Variants in FRMD4A observed in about 807,000 individuals in gnomAD.
The protein encoded by FRMD4A is FERM domain-containing protein 4A.
FRMD4A carries 29 observed loss-of-function variants against 129.1 expected under a neutral mutation model. That is an observed-to-expected ratio of 0.22 (90% CI 0.17 to 0.31). The LOEUF is 0.31. Among genes scored for constraint, FRMD4A ranks in the 10% least tolerant of loss-of-function variants. The probability of loss-of-function intolerance (pLI) is 1.00; values close to 1 mark genes in which losing one functional copy is unlikely to be tolerated. For synonymous variants in FRMD4A, 634 were observed against 571.6 expected, an observed-to-expected ratio of 1.11 and a Z score of -1.56; for missense variants, 1,272 against 1,375.8, an observed-to-expected ratio of 0.92 and a Z score of 1.19.
chr10:13,866,953 AC>A (rs2094375424), intron 2 of FRMD4A, among the ~76,000 whole-genome samples: 1 of 152,186 alleles, frequency 6.6e-6, no homozygotes, highest in Non-Finnish European at 1.5e-5. Flanking sequence ...GTCTCAAAAA[AC>A]AAACAATCAA....
In FRMD4A at chr10:13,925,620, G is replaced by A. The variant is rs564743494; in HGVS notation, c.46-66708C>T. The stretch of plus-strand genomic sequence containing the variant: ...TTTTTTTGAGATGGAGTCTCACTCC[G>A]TTGCCCAGGCTGGAGTGCGGTGGCG... On this transcript the variant is annotated intron_variant, in intron 2 of 24. Transcript: ENST00000357447. Among the ~76,000 whole-genome samples, 39 of 107,018 alleles carry A rather than the reference G, an allele frequency of 3.6e-4. 1 individual carries two copies. In the South Asian group the frequency reaches 7.4e-3, roughly 20 times the overall value. 70.2% of individuals were successfully genotyped at this position (107,018 alleles called of 152,430 possible). A position where few individuals can be genotyped will look rare whatever the true frequency, so the allele number is the denominator to read the frequency against.
chr10:13,780,310 G>C (rs1244993770), intron 6 of FRMD4A, among the ~76,000 whole-genome samples: 1 of 143,414 alleles, frequency 7.0e-6, no homozygotes, highest in Non-Finnish European at 1.5e-5. Flanking sequence ...CTGGGCAACA[G>C]AGTGAGACTG....
chr10:13,696,675 C>G (rs545399980), intron 14 of FRMD4A, among the ~76,000 whole-genome samples: 1 of 152,076 alleles, frequency 6.6e-6, no homozygotes, highest in East Asian at 1.9e-4. Context: ...ACCCGGGAGG[C>G]GGAGGTTGCA....
At chr10:13,801,839 A>G (rs1482170786) in intron 4 of FRMD4A, among the ~76,000 whole-genome samples, 1 of 152,168 alleles carries the variant, frequency 6.6e-6, no homozygotes, top group East Asian at 1.9e-4. Context: ...GCCTCCCTCA[A>G]ACCTTTTATG....
At chr10:14,042,347 ACAGGCCAAT>A (rs1200419565) in intron 2 of FRMD4A, among the ~76,000 whole-genome samples, 2 of 152,170 alleles carry the variant, frequency 1.3e-5, no homozygotes, top group African/African-American at 4.8e-5. Context: ...GTTCTAAGTT[ACAGGCCAAT>A]CAGGACAAAT....
intron 2 of FRMD4A, among the ~76,000 whole-genome samples, chr10:13,949,977 C>A (rs2095360576): frequency 6.6e-6 from 1 of 152,246 alleles, no homozygotes; most frequent in Admixed American, 6.5e-5. Context: ...CAAGAATCAA[C>A]ACTTCTTATG....
In FRMD4A at chr10:14,122,112, C is replaced by T. The variant is rs573274327; in HGVS notation, c.45+207946G>A. 9.8e-5 allele frequency among the ~76,000 whole-genome samples: 15 copies of T among 152,330 alleles called. No homozygotes were observed. The South Asian group carries it at 1.9e-3, about 19-fold the overall frequency. The stretch of plus-strand genomic sequence containing the variant: ...AACAACGCTGTCTCTGAGCAAATTA[C>T]CTAACCTCTCTAAGCTGCATTGTCT... On this transcript the variant is annotated intron_variant, in intron 2 of 24. Coordinates refer to ENST00000357447, the MANE Select transcript of FRMD4A (RefSeq NM_018027.5).
At chr10:14,095,332 C>A (rs189907989) in intron 2 of FRMD4A, among the ~76,000 whole-genome samples, 44 of 152,306 alleles carry the variant, frequency 2.9e-4, no homozygotes, top group Admixed American at 2.0e-3. Context: ...TGCCTGGGTG[C>A]TTCCTGCTAG....
At chr10:14,317,641 T>G (rs2132114493) in intron 2 of FRMD4A, among the ~76,000 whole-genome samples, 1 of 150,892 alleles carries the variant, frequency 6.6e-6, no homozygotes, top group East Asian at 2.0e-4. Flanking sequence ...TTAAAATCTT[T>G]TTACAAAGAG....
intron 2 of FRMD4A, among the ~76,000 whole-genome samples, chr10:14,105,098 C>T (rs1041797800): frequency 1.3e-5 from 2 of 152,190 alleles, no homozygotes; most frequent in East Asian, 3.9e-4. Flanking sequence ...ACATGTTCCA[C>T]TTATTCATCA....
chr10:14,049,533 C>T (rs554927401), intron 2 of FRMD4A, among the ~76,000 whole-genome samples: 5 of 152,284 alleles, frequency 3.3e-5, no homozygotes, highest in South Asian at 2.1e-4. Flanking sequence ...TTCATAATGT[C>T]GTAAAGTAAA....
At chr10:13,736,598 A>G (rs2090641720) in intron 12 of FRMD4A, among the ~76,000 whole-genome samples, 1 of 152,200 alleles carries the variant, frequency 6.6e-6, no homozygotes, top group South Asian at 2.1e-4. Flanking sequence ...TTTAATAAAG[A>G]AGTTTGCCAA....
At chr10:13,778,443 A>C (rs2130765450) in intron 6 of FRMD4A, among the ~76,000 whole-genome samples, 1 of 152,258 alleles carries the variant, frequency 6.6e-6, no homozygotes, top group Non-Finnish European at 1.5e-5. Flanking sequence ...CTGGCTCAGC[A>C]ACTGTCCCAA....
chr10:13,850,202 C>T (rs1332969146), intron 3 of FRMD4A, among the ~76,000 whole-genome samples: 7 of 151,250 alleles, frequency 4.6e-5, no homozygotes, highest in African/African-American at 1.7e-4. Flanking sequence ...GAGTGAGGCT[C>T]CATCTCAAAA....
intron 2 of FRMD4A, among the ~76,000 whole-genome samples, chr10:14,285,173 C>A (rs1326624331): frequency 6.6e-6 from 1 of 152,190 alleles, no homozygotes; most frequent in Admixed American, 6.5e-5. Context: ...GTAAGTGACA[C>A]CGCTTCCCAG....
At chr10:14,290,558 C>T (rs1845819184) in intron 2 of FRMD4A, among the ~76,000 whole-genome samples, 1 of 152,048 alleles carries the variant, frequency 6.6e-6, no homozygotes, top group Admixed American at 6.5e-5. Flanking sequence ...CCTTATTTTA[C>T]ATCATATGCA....
intron 2 of FRMD4A, among the ~76,000 whole-genome samples, chr10:14,128,194 C>T (rs1429745380): frequency 6.6e-6 from 1 of 151,296 alleles, no homozygotes; most frequent in Non-Finnish European, 1.5e-5. Context: ...ACATCCACTT[C>T]CGGGCCTCAA....
At chr10:13,884,210 A>T (rs28529178) in intron 2 of FRMD4A, among the ~76,000 whole-genome samples, 27 of 80,746 alleles carry the variant, frequency 3.3e-4, no homozygotes, top group Admixed American at 6.1e-4. Flanking sequence ...ACACACACTC[A>T]CACACACACA....
chr10:13,909,467 T>A (rs781594594), intron 2 of FRMD4A, among the ~76,000 whole-genome samples: 1 of 152,238 alleles, frequency 6.6e-6, no homozygotes, highest in Non-Finnish European at 1.5e-5. Flanking sequence ...GCAATTGCAA[T>A]AATTTTGATT....
Sources: allele counts gnomAD v4.1 joint callset (sites outside exome capture counted in the v4.1 genomes callset), GRCh38; gene constraint gnomAD v4.1.1; transcripts MANE v1.5; gene names NCBI Gene and HGNC (gene_info 2026-07-23, HGNC 2026-07-21).